The following HECA variants were observed in gnomAD, a reference collection of about 807,000 sequenced individuals.
HECA encodes headcase protein homolog.
A neutral mutation model predicts 37.6 loss-of-function variants in HECA; 13 were observed. The observed-to-expected ratio is 0.35, with a 90% CI of 0.23 to 0.55. The LOEUF is 0.55. HECA is among the 20% of genes least tolerant of loss of function. HECA has a pLI of 0.90. For missense variants in HECA, 527 were observed against 701.9 expected, an observed-to-expected ratio of 0.75 and a Z score of 2.82; for synonymous variants, 307 against 291.5, an observed-to-expected ratio of 1.05 and a Z score of -0.54.
At chr6:139,149,702 G>A (rs1364726465) in intron 1 of HECA, among the ~76,000 whole-genome samples, 1 of 152,180 alleles carries the variant, frequency 6.6e-6, no homozygotes, top group Non-Finnish European at 1.5e-5. Context: ...AGAATCTGTA[G>A]TATTCATTCT....
chr6:139,138,592 T>G (rs942941603), intron 1 of HECA, among the ~76,000 whole-genome samples: 2 of 152,138 alleles, frequency 1.3e-5, no homozygotes, highest in African/African-American at 4.8e-5. Context: ...AATATTAGCT[T>G]TTAGTTGTTC....
intron 1 of HECA, among the ~76,000 whole-genome samples, chr6:139,165,352 A>C (rs72980678): frequency 0.035 from 5,396 of 152,192 alleles, 111 homozygotes; most frequent in Non-Finnish European, 0.049. Context: ...AGCCTCCCCC[A>C]CTGTGAATAC....
chr6:139,154,140 T>C (rs2114451493), intron 1 of HECA, among the ~76,000 whole-genome samples: 1 of 152,372 alleles, frequency 6.6e-6, no homozygotes, highest in African/African-American at 2.4e-5. Context: ...ATGTAATTGC[T>C]ATGTAAATAG....
intron 1 of HECA, among the ~76,000 whole-genome samples, chr6:139,140,654 G>A (rs1774502327): frequency 6.6e-6 from 1 of 152,176 alleles, no homozygotes; most frequent in Non-Finnish European, 1.5e-5. Flanking sequence ...GATAAAACGG[G>A]AAAATCTCTT....
At chr6:139,136,833 A>G (rs1562241344) in intron 1 of HECA, among the ~76,000 whole-genome samples, 1 of 151,932 alleles carries the variant, frequency 6.6e-6, no homozygotes, top group Non-Finnish European at 1.5e-5. Flanking sequence ...ACAGGGTTTC[A>G]CCATATTGGT....
intron 1 of HECA, among the ~76,000 whole-genome samples, chr6:139,162,149 G>A (rs1335429037): frequency 6.6e-6 from 1 of 152,170 alleles, no homozygotes; most frequent in Non-Finnish European, 1.5e-5. Flanking sequence ...TGAGTCGTCA[G>A]CTGGTGGGGA....
chr6:139,156,687 G>A (rs1488404521), intron 1 of HECA, among the ~76,000 whole-genome samples: 2 of 152,212 alleles, frequency 1.3e-5, no homozygotes, highest in African/African-American at 4.8e-5. Flanking sequence ...TAAAAAGTAT[G>A]AGTAAAGCAG....
chr6:139,135,319 C>A lies in HECA; in HGVS notation c.-78C>A. 8.9e-7 allele frequency: 1 copy of A among 1,128,310 alleles called. No homozygotes were observed. Among genetic ancestry groups the A allele is most frequent in the Non-Finnish European group, 1.1e-6 (1 of 892,508 alleles). 69.9% of individuals were successfully genotyped at this position (1,128,310 alleles called of 1,614,324 possible). A position where few individuals can be genotyped will look rare whatever the true frequency, so the allele number is the denominator to read the frequency against. ...CCGTTCTTTCCCGGAGCCGGCTTCA[C>A]GCAGGGCCGGGAACGGCCGTGCCTC... On this transcript the variant is annotated 5_prime_UTR_variant, in exon 1 of 4. Coordinates refer to ENST00000367658, the MANE Select transcript of HECA (RefSeq NM_016217.3).
At position 139,166,338 on chromosome 6, in the gene HECA, A is replaced by G. The variant is rs1180649741; in HGVS notation, c.326A>G (p.Glu109Gly). 6 of 1,613,496 alleles carry G rather than the reference A, an allele frequency of 3.7e-6. No individual in the cohort carries two copies. The highest frequency in any genetic ancestry group is 5.1e-6 in the Non-Finnish European group (6 of 1,179,612). The change falls in exon 2 of 4, where the codon GAG becomes GGG. Residue 109 changes from glutamate (E) to glycine (G), a missense_variant. Physicochemically the swap from Glu to Gly is moderately conservative, Grantham distance 98. Around this residue, in one of 4 missense-constraint regions of HECA, gnomAD observed 172 missense variants for 197.6 expected, o/e 0.87. Coordinates refer to ENST00000367658, the MANE Select transcript of HECA (RefSeq NM_016217.3). ...AGCTTCGGTAGGCCGGTGGACCTGG[A>G]GAAGGACGACTACCAGAAGGTGGTG... ...ICSFGRPVDL[E>G]KDDYQKVVCN...
chr6:139,174,602 T>C, intron 3 of HECA, 63 bp downstream of exon 3: 1 of 1,571,730 alleles, frequency 6.4e-7, no homozygotes, highest in South Asian at 1.2e-5. Flanking sequence ...CAAGTGAATG[T>C]AGGGAAGATG....
chr6:139,140,468 G>A (rs1052742000), intron 1 of HECA, among the ~76,000 whole-genome samples: 3 of 152,198 alleles, frequency 2.0e-5, no homozygotes, highest in Non-Finnish European at 4.4e-5. Context: ...GTATTAAAGT[G>A]AAGAGCTCTT....
At chr6:139,160,052 G>C (rs1430963599) in intron 1 of HECA, among the ~76,000 whole-genome samples, 2 of 152,134 alleles carry the variant, frequency 1.3e-5, no homozygotes, top group African/African-American at 4.8e-5. Context: ...AGGATGCAGG[G>C]TAAGAAAGCT....
rs200324102 is a variant in HECA at position 139,158,394 on chromosome 6, T to TTGGGAC, written c.272-7885_272-7884insCTGGGA. Among the ~76,000 whole-genome samples, 1,292 of 151,908 alleles carry TTGGGAC rather than the reference T, an allele frequency of 8.5e-3. 29 individuals carry two copies. The highest frequency in any genetic ancestry group is 0.047 in the Admixed American group (714 of 15,270). On this transcript the variant is annotated intron_variant, in intron 1 of 3. Coordinates refer to ENST00000367658, the MANE Select transcript of HECA (RefSeq NM_016217.3). ...GGCGGGTGCCTGTAGTCCCAGCTAC[T>TTGGGAC]TGGGAGGCTGAGGCAGGAGAATGGT... is the stretch of plus-strand genomic sequence containing the variant.
At chr6:139,140,252 A>G (rs1774497534) in intron 1 of HECA, among the ~76,000 whole-genome samples, 1 of 152,258 alleles carries the variant, frequency 6.6e-6, no homozygotes, top group Non-Finnish European at 1.5e-5. Context: ...GTTTATTTTC[A>G]AATCAAGGAA....
At chr6:139,164,080 A>ACACAAACACACACACACACTCT (rs1554218212) in intron 1 of HECA, among the ~76,000 whole-genome samples, 4 of 148,068 alleles carry the variant, frequency 2.7e-5, no homozygotes, top group African/African-American at 1.0e-4. Flanking sequence ...ACACACACAC[A>ACACAAACACACACACACACTCT]CTCTCTCTCT....
intron 2 of HECA, 33 bp from the exon 3 acceptor site, chr6:139,174,352 G>A: frequency 6.4e-7 from 1 of 1,570,196 alleles, no homozygotes; most frequent in South Asian, 1.2e-5. Flanking sequence ...TTTCCATGAT[G>A]GCCACTCAGA....
intron 1 of HECA, among the ~76,000 whole-genome samples, chr6:139,161,683 C>T (rs1463000227): frequency 2.6e-5 from 4 of 152,206 alleles, no homozygotes; most frequent in African/African-American, 9.6e-5. Flanking sequence ...AAGTCAGTCT[C>T]AACATTTACA....
intron 1 of HECA, among the ~76,000 whole-genome samples, chr6:139,153,831 CTATCA>C (rs1466140162): frequency 2.6e-5 from 4 of 152,136 alleles, no homozygotes; most frequent in Non-Finnish European, 4.4e-5. Context: ...ATTGATCATC[CTATCA>C]TATTTTCCTA....
intron 1 of HECA, among the ~76,000 whole-genome samples, chr6:139,149,955 T>A (rs1368581474): frequency 3.9e-5 from 6 of 152,230 alleles, no homozygotes; most frequent in Admixed American, 3.9e-4. Flanking sequence ...AACCATTTGA[T>A]CAGCAGAGCC....
Sources: allele counts gnomAD v4.1 joint callset (sites outside exome capture counted in the v4.1 genomes callset), GRCh38; gene constraint gnomAD v4.1.1; regional missense constraint gnomAD v4.1.1; transcripts MANE v1.5; gene names NCBI Gene and HGNC (gene_info 2026-07-23, HGNC 2026-07-21).